EXOC6B: variants seen among roughly 807,000 people sequenced by gnomAD.
The protein encoded by EXOC6B is SEC15 homolog B.
A neutral mutation model predicts 113.5 loss-of-function variants in EXOC6B; 54 were observed. The ratio of observed to expected loss-of-function variants is 0.48; its 90% confidence interval spans 0.38 to 0.60. EXOC6B has a LOEUF of 0.60. Among genes scored for constraint, EXOC6B ranks in the 20% least tolerant of loss-of-function variants. The pLI is 0.00. For synonymous variants in EXOC6B, 357 were observed against 339.0 expected (o/e 1.05, Z -0.58); for missense variants, 797 against 977.5 (o/e 0.82, Z 2.46).
chr2:72,293,389 TG>T (rs1685929075), intron 20 of EXOC6B, among the ~76,000 whole-genome samples: 1 of 152,218 alleles, frequency 6.6e-6, no homozygotes, highest in East Asian at 1.9e-4. Flanking sequence ...GAAGATATGT[TG>T]GGGGTAACAG....
chr2:72,658,543 T>C (rs954667061), intron 6 of EXOC6B, among the ~76,000 whole-genome samples: 3 of 151,876 alleles, frequency 2.0e-5, no homozygotes, highest in Admixed American at 6.6e-5. Context: ...ATATAAATTA[T>C]ATATAACTAA....
At chr2:72,478,579 C>G (rs987545464) in intron 17 of EXOC6B, among the ~76,000 whole-genome samples, 4 of 152,194 alleles carry the variant, frequency 2.6e-5, no homozygotes, top group African/African-American at 9.6e-5. Context: ...CTTTAGTGGT[C>G]TCCAGAACTT....
In EXOC6B at chr2:72,594,173, G is replaced by A. The variant is rs115049253; in HGVS notation, c.670-18505C>T. On this transcript the variant is annotated intron_variant, in intron 6 of 21. Transcript: ENST00000272427. ...TTTTTTTAAATTTTTTACAGAGACA[G>A]GGTGTTACTATGTTGCCCGGGCTGC... 4.7e-3 allele frequency among the ~76,000 whole-genome samples: 719 copies of A among 152,222 alleles called. 4 individuals carry two copies. Among genetic ancestry groups the A allele is most frequent in the African/African-American group, 0.016 (662 of 41,524 alleles).
chr2:72,741,368 T>C lies in EXOC6B; in HGVS notation c.215A>G (p.Tyr72Cys), dbSNP rs1415070861. ...REIEKMCNFH[Y>C]QGFVDSITEL... ...AGTTATAGAGTCCACAAAGCCCTGG[T>C]AATGAAAGTTGCACATTTTCTCAAT... Residue 72 changes from tyrosine (Y) to cysteine (C), a missense_variant, in exon 2 of 22, where the codon TAC becomes TGC. Coordinates refer to ENST00000272427, the MANE Select transcript of EXOC6B (RefSeq NM_015189.3). 1.9e-6 allele frequency: 3 copies of C among 1,613,866 alleles called. No homozygotes were observed. Among genetic ancestry groups the C allele is most frequent in the Non-Finnish European group, 8.5e-7 (1 of 1,179,858 alleles).
At position 72,397,626 on chromosome 2, in the gene EXOC6B, A is replaced by AAAAAAAAT. The variant is rs1297110503; in HGVS notation, c.1981-17757_1981-17756insATTTTTTT. On this transcript the variant is annotated intron_variant, in intron 18 of 21. Transcript: ENST00000272427. ...AGGTGAAACCTCATCTCAAAAAAAA[A>AAAAAAAAT]AAATAAAATAAAATAAAATAAAATA... 2.1e-4 allele frequency among the ~76,000 whole-genome samples: 28 copies of AAAAAAAAT among 131,638 alleles called. 3 individuals are homozygous for AAAAAAAAT. Among genetic ancestry groups the AAAAAAAAT allele is most frequent in the Middle Eastern group, 3.8e-3 (1 of 264 alleles). 86.4% of individuals were successfully genotyped at this position (131,638 alleles called of 152,430 possible). A position where few individuals can be genotyped will look rare whatever the true frequency, so the allele number is the denominator to read the frequency against.
intron 17 of EXOC6B, among the ~76,000 whole-genome samples, chr2:72,473,372 C>A (rs1698529564): frequency 6.6e-6 from 1 of 151,944 alleles, no homozygotes; most frequent in South Asian, 2.1e-4. Context: ...TGTTGGATGC[C>A]AATATGGATT....
intron 18 of EXOC6B, among the ~76,000 whole-genome samples, chr2:72,399,201 C>T (rs2105149527): frequency 6.6e-6 from 1 of 152,154 alleles, no homozygotes; most frequent in African/African-American, 2.4e-5. Context: ...TGATAAAATT[C>T]AGCATCCCTT....
At chr2:72,795,483 G>A (rs1353189617) in intron 1 of EXOC6B, among the ~76,000 whole-genome samples, 5 of 152,146 alleles carry the variant, frequency 3.3e-5, no homozygotes, top group Admixed American at 3.3e-4. Context: ...GGCTGAGGCA[G>A]GAGAATGGCG....
At chr2:72,340,283 G>A (rs1457755772) in intron 19 of EXOC6B, among the ~76,000 whole-genome samples, 1 of 152,078 alleles carries the variant, frequency 6.6e-6, no homozygotes, top group African/African-American at 2.4e-5. Context: ...GGACATTTGG[G>A]AGTTTATCAA....
At chr2:72,450,816 C>T (rs1248625050) in intron 18 of EXOC6B, among the ~76,000 whole-genome samples, 1 of 152,150 alleles carries the variant, frequency 6.6e-6, no homozygotes, top group Non-Finnish European at 1.5e-5. Flanking sequence ...AACATTAGAG[C>T]TAGACTAGGA....
chr2:72,630,156 T>C (rs1284773351), intron 6 of EXOC6B, among the ~76,000 whole-genome samples: 1 of 152,114 alleles, frequency 6.6e-6, no homozygotes, highest in Admixed American at 6.6e-5. Context: ...TTACCCACCA[T>C]TTCATAAGCT....
At chr2:72,189,868 T>C (rs1383769164) in intron 20 of EXOC6B, among the ~76,000 whole-genome samples, 1 of 136,636 alleles carries the variant, frequency 7.3e-6, no homozygotes, top group Non-Finnish European at 1.6e-5. Context: ...TTCTTTTTTT[T>C]TTTTTTTTTT....
At chr2:72,377,945 T>C (rs995902651) in intron 19 of EXOC6B, among the ~76,000 whole-genome samples, 1 of 145,486 alleles carries the variant, frequency 6.9e-6, no homozygotes, top group Non-Finnish European at 1.5e-5. Context: ...CAAATGTACA[T>C]GATGAACATA....
At chr2:72,691,681 A>ATTT (rs1164324005) in intron 6 of EXOC6B, among the ~76,000 whole-genome samples, 15 of 137,778 alleles carry the variant, frequency 1.1e-4, no homozygotes, top group African/African-American at 2.7e-4. Flanking sequence ...TTGTATATCT[A>ATTT]TTTTTTTTTT....
At chr2:72,610,852 G>A (rs113497750) in intron 6 of EXOC6B, among the ~76,000 whole-genome samples, 1,926 of 152,202 alleles carry the variant, frequency 0.013, 28 homozygotes, top group African/African-American at 0.036. Flanking sequence ...GGAAAACTCC[G>A]CAGTGAAGAA....
At chr2:72,580,893 G>A (rs1474527424) in intron 6 of EXOC6B, among the ~76,000 whole-genome samples, 1 of 152,198 alleles carries the variant, frequency 6.6e-6, no homozygotes, top group Admixed American at 6.5e-5. Context: ...AGTCCTCTCA[G>A]AGAGTCCCAT....
intron 6 of EXOC6B, among the ~76,000 whole-genome samples, chr2:72,662,353 A>G (rs1675083198): frequency 5.9e-5 from 9 of 152,196 alleles, no homozygotes; most frequent in Admixed American, 5.9e-4. Flanking sequence ...TTGTTCTACA[A>G]AAGACACGGT....
At chr2:72,696,108 C>T (rs2104610536) in intron 6 of EXOC6B, among the ~76,000 whole-genome samples, 2 of 152,286 alleles carry the variant, frequency 1.3e-5, no homozygotes, top group Middle Eastern at 6.8e-3. Flanking sequence ...ATATGTCAGT[C>T]ATGTATCACA....
intron 18 of EXOC6B, among the ~76,000 whole-genome samples, chr2:72,454,938 A>C (rs550994126): frequency 2.6e-5 from 4 of 152,352 alleles, no homozygotes; most frequent in African/African-American, 9.6e-5. Context: ...TTTTATTTCA[A>C]TGTACTCTAT....
Sources: gnomAD v4.1 joint callset for allele counts (sites outside exome capture counted in the v4.1 genomes callset) on GRCh38, gnomAD v4.1.1 for gene constraint, MANE v1.5 for transcripts, NCBI Gene and HGNC (gene_info 2026-07-23, HGNC 2026-07-21) for gene names.